CSMD2: variants seen among roughly 807,000 people sequenced by gnomAD.
The protein encoded by CSMD2 is CUB and Sushi multiple domains 2.
A neutral mutation model predicts 398.5 loss-of-function variants in CSMD2; 130 were observed. The observed-to-expected ratio is 0.33, with a 90% CI of 0.28 to 0.38. The LOEUF (loss-of-function observed/expected upper bound fraction) is 0.38, where lower values mean the gene tolerates loss of function less well. Among genes scored for constraint, CSMD2 ranks in the 10% least tolerant of loss-of-function variants. CSMD2 has a pLI of 1.00. For synonymous variants in CSMD2, 1,828 were observed against 1,908.5 expected, an observed-to-expected ratio of 0.96 and a Z score of 1.10; for missense variants, 3,829 against 4,764.9, an observed-to-expected ratio of 0.80 and a Z score of 5.78.
intron 1 of CSMD2, among the ~76,000 whole-genome samples, chr1:34,135,800 G>T (rs1443650922): frequency 6.6e-6 from 1 of 151,920 alleles, no homozygotes; most frequent in East Asian, 1.9e-4. Context: ...TATCTACAAT[G>T]ATCCCATTTT....
chr1:33,955,124 C>T (rs1039686404), intron 3 of CSMD2, among the ~76,000 whole-genome samples: 1 of 152,218 alleles, frequency 6.6e-6, no homozygotes, highest in Non-Finnish European at 1.5e-5. Flanking sequence ...GCCACACTGC[C>T]CGGATCCCCA....
chr1:33,787,163 A>G (rs1653633022), intron 12 of CSMD2, among the ~76,000 whole-genome samples: 1 of 152,182 alleles, frequency 6.6e-6, no homozygotes, highest in Admixed American at 6.5e-5. Context: ...ACCAGAAGCT[A>G]GGGAGAAGCA....
At chr1:33,691,200 G>A (rs1645227708) in intron 25 of CSMD2, among the ~76,000 whole-genome samples, 1 of 152,288 alleles carries the variant, frequency 6.6e-6, no homozygotes, top group Admixed American at 6.5e-5. Flanking sequence ...GGAAAATAAG[G>A]TTGGGGAGGG....
chr1:33,912,256 C>G (rs1643485978), intron 5 of CSMD2, among the ~76,000 whole-genome samples: 1 of 152,088 alleles, frequency 6.6e-6, no homozygotes, highest in Non-Finnish European at 1.5e-5. Flanking sequence ...AATCAATATA[C>G]AGTGGCCAGG....
intron 29 of CSMD2, among the ~76,000 whole-genome samples, chr1:33,641,648 A>G (rs1643113095): frequency 1.3e-5 from 2 of 152,224 alleles, no homozygotes; most frequent in South Asian, 2.1e-4. Context: ...CATCTCCTAG[A>G]AAGTCTGCCC....
chr1:33,917,800 G>C (rs1376172330), intron 5 of CSMD2, among the ~76,000 whole-genome samples: 1 of 152,166 alleles, frequency 6.6e-6, no homozygotes, highest in Non-Finnish European at 1.5e-5. Context: ...TCCACATCCT[G>C]AGACCAGAAC....
intron 39 of CSMD2, 61 bp downstream of exon 39, chr1:33,616,845 T>G: frequency 1.1e-5 from 14 of 1,317,286 alleles, no homozygotes; most frequent in Non-Finnish European, 1.5e-5. Flanking sequence ...GATACACTAC[T>G]GAGCTAAGAT....
chr1:33,534,277 C>T (rs1180529855), intron 62 of CSMD2, among the ~76,000 whole-genome samples: 1 of 152,190 alleles, frequency 6.6e-6, no homozygotes, highest in Non-Finnish European at 1.5e-5. Flanking sequence ...ATCCTTGCCA[C>T]AATCACACTG....
chr1:33,693,945 G>A (rs1645328375), intron 24 of CSMD2, among the ~76,000 whole-genome samples: 1 of 152,054 alleles, frequency 6.6e-6, no homozygotes, highest in Non-Finnish European at 1.5e-5. Flanking sequence ...TGTAATCCCA[G>A]CTACTCAGGA....
chr1:33,883,611 C>T (rs1641384735), intron 5 of CSMD2, among the ~76,000 whole-genome samples: 1 of 152,112 alleles, frequency 6.6e-6, no homozygotes, highest in Admixed American at 6.6e-5. Context: ...AATCTAGACA[C>T]TTTCATTTGT....
intron 4 of CSMD2, 36 bp downstream of exon 4, chr1:33,935,724 T>G: frequency 6.4e-7 from 1 of 1,555,884 alleles, no homozygotes; most frequent in Non-Finnish European, 8.7e-7. Context: ...TCCCAGCCAC[T>G]GCCCCACTCT....
At chr1:33,567,216 A>G (rs1208601433) in intron 53 of CSMD2, among the ~76,000 whole-genome samples, 1 of 152,042 alleles carries the variant, frequency 6.6e-6, no homozygotes, top group East Asian at 1.9e-4. Flanking sequence ...ATTTATTATT[A>G]GACTCTATAG....
At chr1:33,724,363 C>T in intron 18 of CSMD2, 50 bp from the exon 19 acceptor site, 3 of 1,513,628 alleles carry the variant, frequency 2.0e-6, no homozygotes, top group South Asian at 1.1e-5. Flanking sequence ...CCTCAGGGAG[C>T]ACCCCCGTCA....
chr1:33,879,635 G>C (rs946795076), intron 5 of CSMD2, among the ~76,000 whole-genome samples: 1 of 152,082 alleles, frequency 6.6e-6, no homozygotes, highest in African/African-American at 2.4e-5. Flanking sequence ...AGCAAGCATT[G>C]GTGTCTCTCC....
At chr1:33,984,086 G>A (rs544209044) in intron 3 of CSMD2, among the ~76,000 whole-genome samples, 39 of 152,178 alleles carry the variant, frequency 2.6e-4, no homozygotes, top group South Asian at 2.5e-3. Flanking sequence ...CCCTGGAGGC[G>A]GAGCTTGCAG....
intron 1 of CSMD2, among the ~76,000 whole-genome samples, chr1:34,130,637 G>T (rs1276052696): frequency 6.6e-6 from 1 of 152,082 alleles, no homozygotes; most frequent in East Asian, 1.9e-4. Context: ...GAGAACAGGG[G>T]AAGCAGGTGG....
At chr1:33,826,963 C>G (rs1336005960) in intron 6 of CSMD2, among the ~76,000 whole-genome samples, 1 of 152,220 alleles carries the variant, frequency 6.6e-6, no homozygotes, top group Non-Finnish European at 1.5e-5. Flanking sequence ...GGGTGCTTTA[C>G]AAGTTCTTTA....
chr1:34,114,921 CAG>C (rs1408365477), intron 1 of CSMD2, among the ~76,000 whole-genome samples: 1 of 151,852 alleles, frequency 6.6e-6, no homozygotes, highest in Non-Finnish European at 1.5e-5. Flanking sequence ...CAAGATCAAA[CAG>C]AAATTCTAGA....
rs78619266 is a variant in CSMD2, at chr1:33,871,279, A to T, written c.921-24283T>A. Among the ~76,000 whole-genome samples the T allele has an allele frequency of 3.3e-5, 5 of 152,324 alleles. No homozygotes were observed. In the East Asian group the frequency reaches 7.7e-4, roughly 24 times the overall value. Reference sequence around the variant, plus strand: ...GAACCAGGCAGTGGGCAGAGGTGAGAAGTATTCTGAGAAGCTTGTTAGAGA... The same window carrying T: ...GAACCAGGCAGTGGGCAGAGGTGAGTAGTATTCTGAGAAGCTTGTTAGAGA... On this transcript the variant is annotated intron_variant, in intron 5 of 70. Transcript: ENST00000373381.
Sources: gnomAD v4.1 joint callset for allele counts (sites outside exome capture counted in the v4.1 genomes callset) on GRCh38, gnomAD v4.1.1 for gene constraint, MANE v1.5 for transcripts, NCBI Gene and HGNC (gene_info 2026-07-23, HGNC 2026-07-21) for gene names.